The following HSD17B4 variants were observed in gnomAD, a reference collection of about 807,000 sequenced individuals.
HSD17B4 encodes the protein peroxisomal multifunctional enzyme type 2.
HSD17B4 carries 70 observed loss-of-function variants against 101.0 expected under a neutral mutation model. That is an observed-to-expected ratio of 0.69 (90% CI 0.57 to 0.85). The LOEUF is 0.85. Ranked by LOEUF, HSD17B4 falls within the 40% of genes least tolerant of loss-of-function variation. The probability of loss-of-function intolerance (pLI) is 0.00; values close to 1 mark genes in which losing one functional copy is unlikely to be tolerated. For missense variants in HSD17B4, 984 were observed against 892.4 expected (o/e 1.10, Z -1.31); for synonymous variants, 347 against 297.1 (o/e 1.17, Z -1.73).
At chr5:119,473,745 A>C (rs758878098) in intron 2 of HSD17B4, among the ~76,000 whole-genome samples, 163 bp from the exon 3 acceptor site, 1 of 152,216 alleles carries the variant, frequency 6.6e-6, no homozygotes, top group Non-Finnish European at 1.5e-5. Flanking sequence ...AATGTTTTGA[A>C]AATGGCTGTG....
At position 119,531,370 on chromosome 5, in the gene HSD17B4, T is replaced by C. The variant is rs1255463398; in HGVS notation, c.1959T>C (p.His653=). 6.2e-7 allele frequency: 1 copy of C among 1,613,652 alleles called. No individual in the cohort carries two copies. The highest frequency in any genetic ancestry group is 8.5e-7 in the Non-Finnish European group (1 of 1,179,664). ...AAGTAAATGCTGTATTTGAGTGGCATATAACCAAAGGCGGAAATATTGGGG... is the reference window on the plus strand; with the variant it reads ...AAGTAAATGCTGTATTTGAGTGGCACATAACCAAAGGCGGAAATATTGGGG... The part of the protein sequence containing the change: ...VKKVNAVFEW[H]ITKGGNIGAK... The change falls in exon 22 of 24, where the codon CAT becomes CAC. Residue 653 remains histidine (H), a synonymous_variant. Coordinates refer to ENST00000510025, the MANE Select transcript of HSD17B4 (RefSeq NM_000414.4).
intron 15 of HSD17B4, among the ~76,000 whole-genome samples, chr5:119,508,241 A>AG (rs397883152): frequency 6.6e-6 from 1 of 151,686 alleles, no homozygotes; most frequent in Non-Finnish European, 1.5e-5. Flanking sequence ...AAAAAAAAAA[A>AG]GTCCTGCCGA....
intron 15 of HSD17B4, 67 bp downstream of exon 15, chr5:119,506,956 TCAC>T: frequency 3.7e-6 from 3 of 806,554 alleles, no homozygotes; most frequent in African/African-American, 1.7e-5. Flanking sequence ...ACATAATACT[TCAC>T]CATAGAAGTT....
chr5:119,496,801 G>C (rs1266618604), intron 12 of HSD17B4, among the ~76,000 whole-genome samples, 155 bp downstream of exon 12: 1 of 152,110 alleles, frequency 6.6e-6, no homozygotes, highest in Non-Finnish European at 1.5e-5. Flanking sequence ...CAGTGGCAGA[G>C]ATAATTTAAA....
chr5:119,531,609 G>T (rs550852704), intron 22 of HSD17B4, among the ~76,000 whole-genome samples: 15 of 151,388 alleles, frequency 9.9e-5, no homozygotes, highest in Admixed American at 5.9e-4. Context: ...GTGTGTGTGT[G>T]TAAGAGATGT....
Position 119,505,258 on chromosome 5 carries a change from A to G in HSD17B4, c.1262-1560A>G, listed in dbSNP as rs150390152. On this transcript the variant is annotated intron_variant, in intron 14 of 23. Coordinates refer to ENST00000510025, the MANE Select transcript of HSD17B4 (RefSeq NM_000414.4). ...TTTCTGGTACCATATGAGTTTTAGA[A>G]TAGTTTTTTCTAATTCTGTAAAAAA... Among the ~76,000 whole-genome samples the G allele has an allele frequency of 4.7e-4, 71 of 152,080 alleles. 2 individuals are homozygous for G. In the East Asian group the frequency reaches 0.013, roughly 28 times the overall value.
At chr5:119,531,461 T>G (rs1754098802) in intron 22 of HSD17B4, 57 bp downstream of exon 22, 1 of 1,536,226 alleles carries the variant, frequency 6.5e-7, no homozygotes, top group Non-Finnish European at 9.0e-7. Context: ...AAATAAAGTA[T>G]CTTTTTAACA....
In HSD17B4 at chr5:119,531,287, T is replaced by G. The variant is rs1385683079; in HGVS notation, c.1876T>G (p.Phe626Val). 7.4e-6 allele frequency: 12 copies of G among 1,613,554 alleles called. No individual in the cohort carries two copies. The highest frequency in any genetic ancestry group is 5.9e-6 in the Non-Finnish European group (7 of 1,179,748). ...PSEGGKLQST[F>V]VFEEIGRRLK... ...TTAGGGCGGGAAGCTTCAGAGTACC[T>G]TTGTATTTGAGGAAATAGGACGCCG... Residue 626 changes from phenylalanine to valine, a missense_variant, in exon 22 of 24, where the codon TTT becomes GTT. Physicochemically the swap from Phe to Val is conservative, Grantham distance 50. Coordinates refer to ENST00000510025, the MANE Select transcript of HSD17B4 (RefSeq NM_000414.4).
chr5:119,488,900 C>G (rs1057281505), intron 8 of HSD17B4, among the ~76,000 whole-genome samples: 1 of 152,040 alleles, frequency 6.6e-6, no homozygotes, highest in Admixed American at 6.6e-5. Flanking sequence ...GTTTTGCTCA[C>G]CAATCTTTGT....
chr5:119,466,730 AAAC>A (rs1460704514), intron 2 of HSD17B4, among the ~76,000 whole-genome samples: 1 of 151,974 alleles, frequency 6.6e-6, no homozygotes, highest in Non-Finnish European at 1.5e-5. Context: ...TCTTTTCAAA[AAAC>A]CAACTTTTTG....
intron 17 of HSD17B4, among the ~76,000 whole-genome samples, chr5:119,523,617 AT>A (rs375691415): frequency 6.7e-4 from 102 of 152,276 alleles, no homozygotes; most frequent in Admixed American, 1.4e-3. Context: ...GATATTTCAT[AT>A]TAATACGATT....
intron 22 of HSD17B4, among the ~76,000 whole-genome samples, chr5:119,533,745 A>G (rs17145475): frequency 0.13 from 20,427 of 152,032 alleles, 2,169 homozygotes; most frequent in African/African-American, 0.3. Context: ...TATTTGAGGA[A>G]TTAGTAGTTG....
At chr5:119,507,355 T>G (rs1191447498) in intron 15 of HSD17B4, among the ~76,000 whole-genome samples, 15 of 152,228 alleles carry the variant, frequency 9.9e-5, no homozygotes, top group Non-Finnish European at 1.5e-5. Flanking sequence ...TTTATAAGTT[T>G]CTAGACTTGA....
At chr5:119,478,685 A>T (rs867848133) in intron 7 of HSD17B4, 149 bp from the exon 8 acceptor site, 29 of 582,360 alleles carry the variant, frequency 5.0e-5, no homozygotes, top group African/African-American at 4.5e-4. Context: ...TATTAATATT[A>T]TTTTAGTTAC....
At chr5:119,510,638 G>C (rs556096947) in intron 16 of HSD17B4, among the ~76,000 whole-genome samples, 17 of 152,310 alleles carry the variant, frequency 1.1e-4, no homozygotes, top group African/African-American at 3.8e-4. Context: ...TCTGGAAATT[G>C]TTCTAAGGGT....
chr5:119,523,027 GTGGTGTTTATTTTGAGACTTACTGGAA>G (rs150746980), intron 17 of HSD17B4, among the ~76,000 whole-genome samples: 8,211 of 152,194 alleles, frequency 0.054, 693 homozygotes, highest in East Asian at 0.42. Context: ...TGATAGAAAA[GTGGTGTTTATTTTGAGACTTACTGGAA>G]TTTGAACTCT....
intron 14 of HSD17B4, among the ~76,000 whole-genome samples, chr5:119,503,367 AT>A (rs559745422): frequency 4.0e-5 from 6 of 151,244 alleles, no homozygotes; most frequent in East Asian, 1.9e-4. Flanking sequence ...TAACTTTTTC[AT>A]TTTTTTTTAC....
intron 11 of HSD17B4, chr5:119,495,765 G>A (rs80063787): frequency 0.1 from 18,173 of 174,838 alleles, 1,149 homozygotes; most frequent in South Asian, 0.14. Context: ...CTGCCCCTTG[G>A]GTTCAAGCGA....
intron 17 of HSD17B4, among the ~76,000 whole-genome samples, chr5:119,523,903 C>G (rs544885916): frequency 6.6e-6 from 1 of 152,214 alleles, no homozygotes; most frequent in African/African-American, 2.4e-5. Context: ...AATGGTAGAG[C>G]TGGCTTTGAA....
Sources: gnomAD v4.1 joint callset for allele counts (sites outside exome capture counted in the v4.1 genomes callset) on GRCh38, gnomAD v4.1.1 for gene constraint, MANE v1.5 for transcripts, NCBI Gene and HGNC (gene_info 2026-07-23, HGNC 2026-07-21) for gene names.